PGPEP1L: variants seen among roughly 807,000 people sequenced by gnomAD.
PGPEP1L encodes pyroglutamyl-peptidase 1-like protein.
Under a neutral mutation model 6.0 loss-of-function variants are expected in PGPEP1L, and 7 were observed. The ratio of observed to expected loss-of-function variants is 1.17; its 90% CI spans 0.66 to 2.19. The LOEUF is 2.19. Ranked by LOEUF, PGPEP1L falls within the 30% of genes most tolerant of loss-of-function variation. The probability of loss-of-function intolerance (pLI) is 0.00; values close to 1 mark genes in which losing one functional copy is unlikely to be tolerated. For missense variants in PGPEP1L, 209 were observed against 192.5 expected, an observed-to-expected ratio of 1.09 and a Z score of -0.51; for synonymous variants, 103 against 83.9, an observed-to-expected ratio of 1.23 and a Z score of -1.24.
intron 2 of PGPEP1L, among the ~76,000 whole-genome samples, chr15:98,985,143 G>T (rs560830813): frequency 6.6e-6 from 1 of 152,188 alleles, no homozygotes; most frequent in Non-Finnish European, 1.5e-5. Context: ...CACAGGGACA[G>T]CCATGAAGAG....
intron 2 of PGPEP1L, chr15:99,001,157 C>T: frequency 2.2e-6 from 1 of 446,334 alleles, no homozygotes; most frequent in Admixed American, 2.4e-5. Flanking sequence ...AAACTCTGGA[C>T]ACGCCGCCTT....
intron 1 of PGPEP1L, among the ~76,000 whole-genome samples, chr15:99,006,399 G>A (rs2018062775): frequency 6.6e-6 from 1 of 152,264 alleles, no homozygotes; most frequent in Non-Finnish European, 1.5e-5. Flanking sequence ...GCCGTGGCAT[G>A]CCACCTGGCT....
intron 2 of PGPEP1L, among the ~76,000 whole-genome samples, chr15:98,975,548 G>T (rs1206371422): frequency 6.6e-6 from 1 of 152,158 alleles, no homozygotes; most frequent in African/African-American, 2.4e-5. Flanking sequence ...ATCAAATGTT[G>T]TGTATGTATG....
chr15:98,971,386 T>C (rs2017494912), intron 2 of PGPEP1L, among the ~76,000 whole-genome samples: 1 of 151,986 alleles, frequency 6.6e-6, no homozygotes, highest in Admixed American at 6.6e-5. Flanking sequence ...CCCAGCTACT[T>C]GGGAGGCTGA....
chr15:99,002,340 C>T (rs1019189166), intron 2 of PGPEP1L, among the ~76,000 whole-genome samples: 6 of 152,102 alleles, frequency 3.9e-5, no homozygotes, highest in Non-Finnish European at 8.8e-5. Flanking sequence ...AGATGGAGAA[C>T]AGACTAATGG....
At chr15:99,002,737 T>C (rs1414507365) in intron 2 of PGPEP1L, among the ~76,000 whole-genome samples, 1 of 152,156 alleles carries the variant, frequency 6.6e-6, no homozygotes, top group African/African-American at 2.4e-5. Context: ...AGGTGCTCAA[T>C]TAAGTGGGCT....
intron 2 of PGPEP1L, among the ~76,000 whole-genome samples, chr15:99,000,200 G>A (rs1012701757): frequency 2.6e-5 from 4 of 152,244 alleles, no homozygotes; most frequent in Admixed American, 6.5e-5. Context: ...TGGGCCAGTA[G>A]CTGCTGTGCT....
At chr15:99,001,244 G>T (rs782494176) in intron 2 of PGPEP1L, 4 of 374,236 alleles carry the variant, frequency 1.1e-5, no homozygotes, top group South Asian at 7.7e-5. Context: ...CACCAATTCT[G>T]GACACACTAC....
rs537725327 is a variant in PGPEP1L at position 98,989,076 on chromosome 15, C to T, written c.-142+16353G>A. ...TTCCAAAAACCAGAATGCCTCTTCA[C>T]CTCAAAAGGATCACAGCTCCTTGCC... On this transcript the variant is annotated intron_variant, in intron 2 of 4. Transcript: ENST00000535714. 5.9e-5 allele frequency among the ~76,000 whole-genome samples: 9 copies of T among 152,262 alleles called. No homozygotes were observed. In the Middle Eastern group the frequency reaches 0.01, roughly 173 times the overall value.
intron 2 of PGPEP1L, among the ~76,000 whole-genome samples, chr15:98,992,269 A>G (rs144983552): frequency 5.6e-4 from 85 of 152,356 alleles, no homozygotes; most frequent in East Asian, 3.8e-3. Flanking sequence ...TACAAAATCA[A>G]TGTGCAAAAT....
intron 2 of PGPEP1L, among the ~76,000 whole-genome samples, chr15:99,000,627 A>T (rs1456272233): frequency 8.6e-5 from 13 of 151,828 alleles, no homozygotes; most frequent in African/African-American, 2.2e-4. Flanking sequence ...GTATCTAGCT[A>T]CTCTGGTGGG....
chr15:98,997,089 G>A (rs1226786493), intron 2 of PGPEP1L, among the ~76,000 whole-genome samples: 3 of 152,124 alleles, frequency 2.0e-5, no homozygotes, highest in African/African-American at 4.8e-5. Context: ...AGAAATAGAA[G>A]GGTTCAGGAT....
intron 2 of PGPEP1L, among the ~76,000 whole-genome samples, chr15:98,975,299 G>C (rs1255938734): frequency 1.3e-5 from 2 of 152,168 alleles, no homozygotes; most frequent in Non-Finnish European, 2.9e-5. Context: ...AGAATAGAAT[G>C]ATGATTACCA....
chr15:98,975,796 G>A (rs764519417), intron 2 of PGPEP1L, among the ~76,000 whole-genome samples: 2 of 152,142 alleles, frequency 1.3e-5, no homozygotes, highest in Non-Finnish European at 2.9e-5. Context: ...CAGGAGAATC[G>A]CTTTAACCCA....
At chr15:98,983,883 GTTAT>G (rs1473908581) in intron 2 of PGPEP1L, among the ~76,000 whole-genome samples, 1 of 152,018 alleles carries the variant, frequency 6.6e-6, no homozygotes, top group Non-Finnish European at 1.5e-5. Context: ...ATGCATTTGA[GTTAT>G]TTGTTAAAAG....
intron 2 of PGPEP1L, among the ~76,000 whole-genome samples, chr15:98,973,908 T>C (rs1247625548): frequency 1.3e-5 from 2 of 152,062 alleles, no homozygotes; most frequent in Non-Finnish European, 2.9e-5. Flanking sequence ...ATTGCTGATA[T>C]GAATAGGTGG....
rs1309776637 is a variant in PGPEP1L at position 98,971,154 on chromosome 15, A to T, written c.-137T>A. On this transcript the variant is annotated 5_prime_UTR_variant, in exon 3 of 5. Transcript: ENST00000535714. ...TTCATTCCCCAGGCCCAGCTTGGAG[A>T]GCTCCTGAGGAAAGCGGCAGGTGGA... The T allele has an allele frequency of 1.4e-6, 2 of 1,464,364 alleles. No individual in the cohort carries two copies. The highest frequency in any genetic ancestry group is 3.2e-5 in the African/African-American group (2 of 63,072). 90.7% of individuals were successfully genotyped at this position (1,464,364 alleles called of 1,614,324 possible). A position where few individuals can be genotyped will look rare whatever the true frequency, so the allele number is the denominator to read the frequency against.
At chr15:98,995,689 C>A (rs1555472442) in intron 2 of PGPEP1L, among the ~76,000 whole-genome samples, 3 of 152,180 alleles carry the variant, frequency 2.0e-5, no homozygotes, top group Non-Finnish European at 2.9e-5. Flanking sequence ...GAGCTAGACT[C>A]TGTCTCTAAA....
intron 2 of PGPEP1L, among the ~76,000 whole-genome samples, chr15:98,992,495 T>C (rs2017833072): frequency 6.6e-6 from 1 of 152,086 alleles, no homozygotes; most frequent in Non-Finnish European, 1.5e-5. Flanking sequence ...ATAGGAAGAA[T>C]CAATATTGTG....
Sources: gnomAD v4.1 joint callset for allele counts (sites outside exome capture counted in the v4.1 genomes callset) on GRCh38, gnomAD v4.1.1 for gene constraint, MANE v1.5 for transcripts, NCBI Gene and HGNC (gene_info 2026-07-23, HGNC 2026-07-21) for gene names.